The following EPC2 variants were observed in gnomAD, a reference collection of about 807,000 sequenced individuals.
EPC2 encodes enhancer of polycomb homolog 2.
In EPC2, 14 loss-of-function variants were observed where a neutral mutation model predicts 92.1. The ratio of observed to expected loss-of-function variants is 0.15; its 90% confidence interval spans 0.10 to 0.24. EPC2 has a LOEUF of 0.24. EPC2 is among the 10% of genes least tolerant of loss of function. The pLI is 1.00. For synonymous variants in EPC2, 340 were observed against 334.7 expected, an observed-to-expected ratio of 1.02 and a Z score of -0.17; for missense variants, 755 against 971.5, an observed-to-expected ratio of 0.78 and a Z score of 2.96.
In EPC2 at chr2:148,786,664, A is replaced by T. The variant is rs1683873958; in HGVS notation, c.*287A>T. The T allele has an allele frequency of 4.1e-6, 1 of 244,450 alleles. No individual in the cohort carries two copies. The highest frequency in any genetic ancestry group is 1.0e-4 in the South Asian group (1 of 9,576). The allele number at this position is 244,450 out of a possible 1,614,324, so 15.1% of individuals were successfully genotyped here. ...ATTTGCAACTGAATGGATTTTAAAA[A>T]ATAATTCTTTAATGGGATCATGAGC... On this transcript the variant is annotated 3_prime_UTR_variant, in exon 14 of 14. Transcript: ENST00000258484.
At position 148,754,049 on chromosome 2, in the gene EPC2, A is replaced by G. The variant is rs1683129855; in HGVS notation, c.582A>G (p.Ile194Met). Residue 194 changes from isoleucine (I) to methionine (M), a missense_variant, in exon 4 of 14, where the codon ATA (isoleucine) becomes ATG (methionine). By Grantham distance (10) the Ile-to-Met change is conservative. Around this residue, in one of 4 missense-constraint regions of EPC2, gnomAD observed 509 missense variants for 607.7 expected, o/e 0.84. Coordinates refer to ENST00000258484, the MANE Select transcript of EPC2 (RefSeq NM_015630.4). ...NCRGPSLIPQ[I>M]KQEKRDGSTN... ...GGGGGCCATCCCTCATTCCTCAGAT[A>G]AAACAAGAGAAAAGAGATGGCTCTA... 2 of 1,611,278 alleles carry G rather than the reference A, an allele frequency of 1.2e-6. No individual in the cohort carries two copies. Among genetic ancestry groups the G allele is most frequent in the Non-Finnish European group, 1.7e-6 (2 of 1,178,698 alleles).
chr2:148,779,094 A>G (rs1444314881), intron 10 of EPC2, among the ~76,000 whole-genome samples: 1 of 152,110 alleles, frequency 6.6e-6, no homozygotes, highest in Non-Finnish European at 1.5e-5. Context: ...AAGGTTCCTG[A>G]GCAAATTAAT....
chr2:148,775,037 C>T (rs978927801), intron 10 of EPC2, among the ~76,000 whole-genome samples: 2 of 150,018 alleles, frequency 1.3e-5, no homozygotes, highest in South Asian at 4.2e-4. Flanking sequence ...TGCAGCAAGC[C>T]GAGATCCTGC....
intron 1 of EPC2, among the ~76,000 whole-genome samples, chr2:148,681,423 T>C (rs1450624398): frequency 6.6e-6 from 1 of 152,162 alleles, no homozygotes; most frequent in Non-Finnish European, 1.5e-5. Context: ...TGTTTCAGAG[T>C]TTACAAATCT....
chr2:148,665,195 T>C (rs566676020), intron 1 of EPC2, among the ~76,000 whole-genome samples: 2 of 152,338 alleles, frequency 1.3e-5, no homozygotes, highest in Non-Finnish European at 1.5e-5. Flanking sequence ...CTTGGTTGTT[T>C]TCATATATAG....
intron 1 of EPC2, chr2:148,645,403 C>A (rs1353790157): frequency 2.2e-6 from 1 of 459,344 alleles, no homozygotes; most frequent in South Asian, 2.6e-5. Context: ...GCGCTGCTTA[C>A]GCTGCCGTAA....
chr2:148,732,862 C>T (rs1245539704), intron 2 of EPC2, among the ~76,000 whole-genome samples: 1 of 149,326 alleles, frequency 6.7e-6, no homozygotes, highest in Non-Finnish European at 1.5e-5. Flanking sequence ...GAATATCTAT[C>T]ATGTTATAGC....
intron 2 of EPC2, among the ~76,000 whole-genome samples, chr2:148,725,130 A>G (rs1298858118): frequency 2.6e-5 from 4 of 152,110 alleles, no homozygotes; most frequent in Non-Finnish European, 4.4e-5. Flanking sequence ...TAGAGTTGGC[A>G]TAGATTTATA....
chr2:148,771,874 C>T (rs1399767172), intron 10 of EPC2, among the ~76,000 whole-genome samples: 2 of 151,852 alleles, frequency 1.3e-5, no homozygotes, highest in African/African-American at 4.8e-5. Flanking sequence ...TCTCAGCTCA[C>T]TGCAACCTCT....
Position 148,754,067 on chromosome 2 carries a change from T to C in EPC2, c.600T>C (p.Asp200=). The C allele has an allele frequency of 1.2e-6, 2 of 1,611,202 alleles. No homozygotes were observed. Among genetic ancestry groups the C allele is most frequent in the Non-Finnish European group, 1.7e-6 (2 of 1,178,698 alleles). The part of the protein sequence containing the change: ...LIPQIKQEKR[D]GSTNNDPYVA... ...CTCAGATAAAACAAGAGAAAAGAGA[T>C]GGCTCTACCAACAATGACCCTTATG... The change falls in exon 4 of 14, where the codon GAT becomes GAC. Residue 200 remains aspartate, a synonymous_variant. Coordinates refer to ENST00000258484, the MANE Select transcript of EPC2 (RefSeq NM_015630.4).
chr2:148,751,773 A>G (rs1031954105), intron 3 of EPC2, among the ~76,000 whole-genome samples: 4 of 152,170 alleles, frequency 2.6e-5, no homozygotes, highest in Admixed American at 6.6e-5. Context: ...AATTGATGCT[A>G]TACCCACAAT....
chr2:148,743,962 T>C (rs1682933785), intron 3 of EPC2, among the ~76,000 whole-genome samples, 195 bp downstream of exon 3: 1 of 152,160 alleles, frequency 6.6e-6, no homozygotes, highest in African/African-American at 2.4e-5. Context: ...AGTACTGTTC[T>C]GACTGTTTTC....
intron 1 of EPC2, among the ~76,000 whole-genome samples, chr2:148,670,451 T>G (rs533694995): frequency 6.6e-6 from 1 of 152,132 alleles, no homozygotes; most frequent in African/African-American, 2.4e-5. Flanking sequence ...TGTACAACCA[T>G]TACCACTATT....
chr2:148,662,546 A>T (rs1680959438), intron 1 of EPC2, among the ~76,000 whole-genome samples: 3 of 152,234 alleles, frequency 2.0e-5, no homozygotes, highest in South Asian at 2.1e-4. Context: ...AAACCATCAT[A>T]CTCAGCAAAC....
At chr2:148,684,615 G>A (rs996065980) in intron 1 of EPC2, among the ~76,000 whole-genome samples, 1 of 152,194 alleles carries the variant, frequency 6.6e-6, no homozygotes, top group African/African-American at 2.4e-5. Flanking sequence ...TATTCATGAT[G>A]AGCATCTACC....
intron 2 of EPC2, among the ~76,000 whole-genome samples, chr2:148,698,694 C>CTT (rs386355296): frequency 0.11 from 9,253 of 88,082 alleles, 924 homozygotes; most frequent in African/African-American, 0.17. Flanking sequence ...AGAAAGTAAG[C>CTT]TTTTTTTTTT....
intron 2 of EPC2, among the ~76,000 whole-genome samples, chr2:148,710,782 T>G (rs1458780565): frequency 1.3e-5 from 2 of 151,716 alleles, no homozygotes; most frequent in East Asian, 1.9e-4. Context: ...CACTCATAGG[T>G]GGGAATTGAA....
intron 1 of EPC2, among the ~76,000 whole-genome samples, chr2:148,685,618 G>A (rs1012761524): frequency 2.6e-5 from 4 of 152,130 alleles, no homozygotes; most frequent in South Asian, 2.1e-4. Flanking sequence ...AAAATTAGCC[G>A]GGTGTGGTGG....
chr2:148,694,186 C>T (rs1049226507), intron 2 of EPC2, among the ~76,000 whole-genome samples: 3 of 152,134 alleles, frequency 2.0e-5, no homozygotes, highest in Non-Finnish European at 2.9e-5. Context: ...TTAGTGCATA[C>T]AGTGAAATTG....
Sources: allele counts gnomAD v4.1 joint callset (sites outside exome capture counted in the v4.1 genomes callset), GRCh38; gene constraint gnomAD v4.1.1; regional missense constraint gnomAD v4.1.1; transcripts MANE v1.5; gene names NCBI Gene and HGNC (gene_info 2026-07-23, HGNC 2026-07-21).